COL18A1: variants seen among roughly 807,000 people sequenced by gnomAD.
COL18A1 encodes collagen type XVIII alpha 1 chain, also known as collagen alpha-1(XVIII) chain.
In COL18A1, 133 loss-of-function variants were observed where a neutral mutation model predicts 168.0. That is an observed-to-expected ratio of 0.79 (90% CI 0.69 to 0.91). The LOEUF (loss-of-function observed/expected upper bound fraction) is 0.91, where lower values mean the gene tolerates loss of function less well. Among genes scored for constraint, COL18A1 ranks in the 40% least tolerant of loss-of-function variants. COL18A1 has a pLI of 0.00. For missense variants in COL18A1, 2,126 were observed against 1,925.4 expected, an observed-to-expected ratio of 1.10 and a Z score of -1.95; for synonymous variants, 949 against 809.0, an observed-to-expected ratio of 1.17 and a Z score of -2.94.
chr21:45,414,165 C>T (rs1401418930), intron 2 of COL18A1, among the ~76,000 whole-genome samples: 5 of 152,192 alleles, frequency 3.3e-5, no homozygotes, highest in African/African-American at 1.2e-4. Context: ...AATCAGCTCC[C>T]TTCTCCTGGC....
chr21:45,437,139 C>CTGT (rs71185151), intron 2 of COL18A1, among the ~76,000 whole-genome samples: 1 of 38,638 alleles, frequency 2.6e-5, no homozygotes, highest in Non-Finnish European at 4.7e-5. Context: ...AGGCACTCTC[C>CTGT]ACACACACTC....
chr21:45,445,170 G>A (rs532161100), intron 2 of COL18A1, among the ~76,000 whole-genome samples: 1 of 152,282 alleles, frequency 6.6e-6, no homozygotes, highest in African/African-American at 2.4e-5. Context: ...CTGTCCCTGG[G>A]TTCCGTCTTC....
chr21:45,416,325 GC>G (rs1361288392), intron 2 of COL18A1, among the ~76,000 whole-genome samples: 2 of 152,204 alleles, frequency 1.3e-5, no homozygotes, highest in Non-Finnish European at 2.9e-5. Context: ...GTCTTGCCAT[GC>G]CCAGTGTCCT....
At chr21:45,454,332 C>T (rs1031999792) in intron 2 of COL18A1, among the ~76,000 whole-genome samples, 2 of 152,148 alleles carry the variant, frequency 1.3e-5, no homozygotes, top group Admixed American at 6.5e-5. Flanking sequence ...GCTGTTTCGT[C>T]ACAGCTGCTG....
chr21:45,437,107 A>ACTCACACT (rs1555972209), intron 2 of COL18A1, among the ~76,000 whole-genome samples: 1 of 103,824 alleles, frequency 9.6e-6, no homozygotes. Flanking sequence ...TCTCCTGCAC[A>ACTCACACT]CACACTCACA....
intron 2 of COL18A1, among the ~76,000 whole-genome samples, chr21:45,452,800 ATG>A (rs1300866344): frequency 5.2e-5 from 6 of 115,482 alleles, no homozygotes; most frequent in African/African-American, 1.1e-4. Flanking sequence ...GCATGTACAT[ATG>A]TGATTGTGTA....
At position 45,490,301 on chromosome 21, in the gene COL18A1, C is replaced by A; in HGVS notation, c.1986C>A (p.Pro662=). ...GAGAAGTTGGAGCAGATGGAGTCCC[C>A]GGGTTCCCCGGCCTCCCTGGCAGAG... The part of the protein sequence containing the change: ...AKGEVGADGV[P]GFPGLPGREG... Residue 662 remains proline (P), a synonymous_variant, in exon 20 of 42, where the codon CCC becomes CCA. Transcript: ENST00000651438. 1 of 1,587,752 alleles carries A rather than the reference C, an allele frequency of 6.3e-7. No individual in the cohort carries two copies. Among genetic ancestry groups the A allele is most frequent in the East Asian group, 2.3e-5 (1 of 43,686 alleles).
At chr21:45,477,713 C>T (rs2035728513) in intron 7 of COL18A1, 37 bp from the exon 8 acceptor site, 3 of 1,504,166 alleles carry the variant, frequency 2.0e-6, no homozygotes, top group Admixed American at 2.0e-5. Flanking sequence ...TGTGGGGCCC[C>T]ACCCCAGCCC....
At chr21:45,477,299 C>A in intron 6 of COL18A1, 112 bp from the exon 7 acceptor site, 1 of 800,822 alleles carries the variant, frequency 1.2e-6, no homozygotes, top group Non-Finnish European at 2.1e-6. Context: ...CAGTGTCCAG[C>A]CGGGCTCCAG....
In COL18A1 at chr21:45,453,154, T is replaced by C. The variant is rs62216320; in HGVS notation, c.107-15088T>C. Among the ~76,000 whole-genome samples, 19,550 of 150,196 alleles carry C rather than the reference T, an allele frequency of 0.13. 1,449 individuals are homozygous for C. Among genetic ancestry groups the C allele is most frequent in the East Asian group, 0.22 (1,112 of 5,160 alleles). ...TGTATGCGAGTATTCACATGTGACA[T>C]GTGTGAGCATGTATGTGTGTGTGAT... On this transcript the variant is annotated intron_variant, in intron 2 of 41. Transcript: ENST00000651438.
In COL18A1 at chr21:45,443,590, G is replaced by A. The variant is rs1381104354; in HGVS notation, c.107-24652G>A. On this transcript the variant is annotated intron_variant, in intron 2 of 41. Transcript: ENST00000651438. The surrounding 1 kb of genome is among the most constrained non-coding windows in gnomAD (Gnocchi z 5.2). ...CCCGGGGTGTGGACTGTGCTGAACT[G>A]TTCTCCGACAGGCGGCCCTTTTTCT... Among the ~76,000 whole-genome samples, 1 of 152,142 alleles carries A rather than the reference G, an allele frequency of 6.6e-6. No individual in the cohort carries two copies. The highest frequency in any genetic ancestry group is 6.5e-5 in the Admixed American group (1 of 15,284).
intron 32 of COL18A1, among the ~76,000 whole-genome samples, chr21:45,501,163 TA>T (rs2036799480): frequency 6.6e-6 from 1 of 151,882 alleles, no homozygotes; most frequent in African/African-American, 2.4e-5. Flanking sequence ...TGGTCAAAAA[TA>T]AATGTTCATT....
In COL18A1 at chr21:45,463,603, G is replaced by A. The variant is rs1320256874; in HGVS notation, c.107-4639G>A. 6.6e-6 allele frequency among the ~76,000 whole-genome samples: 1 copy of A among 152,180 alleles called. No individual in the cohort carries two copies. The highest frequency in any genetic ancestry group is 2.4e-5 in the African/African-American group (1 of 41,446). On this transcript the variant is annotated intron_variant, in intron 2 of 41. Transcript: ENST00000651438. The surrounding 1 kb of genome is among the most constrained non-coding windows in gnomAD (Gnocchi z 4.0). ...TTTCAAACACGTTTCTTTCTGTCAA[G>A]AAATCAAGTCTTGGCCAGGCATGGT...
At chr21:45,486,833 C>T in intron 15 of COL18A1, 28 bp from the exon 16 acceptor site, 6 of 1,527,788 alleles carry the variant, frequency 3.9e-6, no homozygotes, top group Non-Finnish European at 5.3e-6. Flanking sequence ...TGGGCTGGGT[C>T]CTGACACGCT....
At chr21:45,437,688 G>GCACACA (rs777364868) in intron 2 of COL18A1, among the ~76,000 whole-genome samples, 1 of 32,704 alleles carries the variant, frequency 3.1e-5, no homozygotes, top group African/African-American at 2.0e-4. Flanking sequence ...GCACTCTCCT[G>GCACACA]CACACACACA....
At chr21:45,505,057 C>G in intron 34 of COL18A1, 77 bp from the exon 35 acceptor site, 1 of 1,552,146 alleles carries the variant, frequency 6.4e-7, no homozygotes, top group Non-Finnish European at 8.7e-7. Context: ...GTCTTGGCAG[C>G]TGCAGCCCCA....
chr21:45,427,519 C>A (rs1004080101), intron 2 of COL18A1, among the ~76,000 whole-genome samples: 2 of 152,184 alleles, frequency 1.3e-5, no homozygotes, highest in Non-Finnish European at 2.9e-5. Context: ...CCAGGCAGGC[C>A]CCCTCTTGCT....
intron 2 of COL18A1, among the ~76,000 whole-genome samples, chr21:45,450,080 G>C (rs896008606): frequency 6.6e-6 from 1 of 152,196 alleles, no homozygotes; most frequent in African/African-American, 2.4e-5. Context: ...GCCTGGGGGC[G>C]TGCCCATGGG....
chr21:45,488,206 C>G (rs756874035), intron 17 of COL18A1, among the ~76,000 whole-genome samples: 2 of 152,274 alleles, frequency 1.3e-5, no homozygotes, highest in African/African-American at 2.4e-5. Context: ...ACATTTCTTA[C>G]TTGGAGCAAA....
Sources: allele counts gnomAD v4.1 joint callset (sites outside exome capture counted in the v4.1 genomes callset), GRCh38; gene constraint gnomAD v4.1.1; non-coding constraint Gnocchi (gnomAD v3.1); transcripts MANE v1.5; gene names NCBI Gene and HGNC (gene_info 2026-07-23, HGNC 2026-07-21).